TENM3: variants seen among roughly 807,000 people sequenced by gnomAD.
The protein encoded by TENM3 is teneurin transmembrane protein 3.
TENM3 carries 63 observed loss-of-function variants against 255.1 expected under a neutral mutation model. The ratio of observed to expected loss-of-function variants is 0.25; its 90% CI spans 0.20 to 0.30. The LOEUF is 0.30. Among genes scored for constraint, TENM3 ranks in the 10% least tolerant of loss-of-function variants. The pLI, the probability that TENM3 is intolerant of heterozygous loss-of-function variation, is 1.00. For missense variants in TENM3, 2,929 were observed against 3,461.1 expected, an observed-to-expected ratio of 0.85 and a Z score of 3.86; for synonymous variants, 1,306 against 1,322.3, an observed-to-expected ratio of 0.99 and a Z score of 0.27.
Position 182,621,828 on chromosome 4 carries a change from G to A in TENM3, c.750-6823G>A, listed in dbSNP as rs145990526. On this transcript the variant is annotated intron_variant, in intron 4 of 27. Coordinates refer to ENST00000511685, the MANE Select transcript of TENM3 (RefSeq NM_001080477.4). ...ATATATATTATATATATATATATTA[G>A]CCAGATGTGGTGGTGCACATGCTGT... Among the ~76,000 whole-genome samples the A allele has an allele frequency of 9.9e-3, 1,102 of 111,540 alleles. 35 individuals are homozygous for A. Among genetic ancestry groups the A allele is most frequent in the African/African-American group, 0.038 (1,035 of 27,594 alleles). 73.2% of individuals were successfully genotyped at this position (111,540 alleles called of 152,430 possible).
At chr4:182,353,455 G>C (rs1454653181) in intron 3 of TENM3, among the ~76,000 whole-genome samples, 1 of 152,136 alleles carries the variant, frequency 6.6e-6, no homozygotes, top group African/African-American at 2.4e-5. Flanking sequence ...TAATATGTCG[G>C]TGGGCTTCCT....
the TENM3 span, among the ~76,000 whole-genome samples, chr4:181,738,317 A>T: frequency 1.3e-5 from 2 of 152,276 alleles, no homozygotes; most frequent in South Asian, 4.1e-4. Flanking sequence ...GAAATATAAC[A>T]CCAATGAGAA....
intron 3 of TENM3, among the ~76,000 whole-genome samples, chr4:182,425,601 G>T (rs1036061999): frequency 2.0e-5 from 3 of 152,214 alleles, no homozygotes; most frequent in Admixed American, 2.0e-4. Context: ...GCCATGATCA[G>T]ATTGATCCCT....
chr4:182,519,566 G>A (rs1039199024), intron 3 of TENM3, among the ~76,000 whole-genome samples: 5 of 152,176 alleles, frequency 3.3e-5, no homozygotes, highest in South Asian at 2.1e-4. Context: ...TGCCTGAGAC[G>A]TTACATTTGT....
the TENM3 span, among the ~76,000 whole-genome samples, chr4:181,507,151 G>C: frequency 1.3e-5 from 2 of 152,064 alleles, no homozygotes; most frequent in Admixed American, 1.3e-4. Flanking sequence ...ATGTATACTT[G>C]CTCTCAACTC....
chr4:181,618,917 G>A, the TENM3 span, among the ~76,000 whole-genome samples: 1 of 152,208 alleles, frequency 6.6e-6, no homozygotes, highest in African/African-American at 2.4e-5. Context: ...ACTGCTTGCT[G>A]TGATGGGTGC....
intron 16 of TENM3, 131 bp from the exon 17 acceptor site, chr4:182,736,677 T>C: frequency 1.1e-6 from 1 of 883,752 alleles, no homozygotes; most frequent in Non-Finnish European, 1.7e-6. Flanking sequence ...GCACATTGTC[T>C]TTGTGAGTAA....
At chr4:182,109,728 C>G in the TENM3 span, among the ~76,000 whole-genome samples, 9 of 152,166 alleles carry the variant, frequency 5.9e-5, no homozygotes, top group African/African-American at 1.9e-4. Context: ...GACCTTGTAA[C>G]AGTAAGTACT....
chr4:181,449,313 A>C, the TENM3 span, among the ~76,000 whole-genome samples: 3,926 of 152,214 alleles, frequency 0.026, 176 homozygotes, highest in African/African-American at 0.09. Context: ...AGCCGACCTA[A>C]CTACACACTG....
chr4:181,551,866 GTGTGTGTGTGTGTGTGTGTGTGTA>G, the TENM3 span, among the ~76,000 whole-genome samples: 76 of 80,776 alleles, frequency 9.4e-4, no homozygotes, highest in Non-Finnish European at 1.2e-3. Flanking sequence ...GTGTGTGTGT[GTGTGTGTGTGTGTGTGTGTGTGTA>G]TATAAATTTT....
chr4:182,678,657 C>T lies in TENM3; in HGVS notation c.1327-1009C>T, dbSNP rs988897965. Among the ~76,000 whole-genome samples the T allele has an allele frequency of 5.9e-5, 9 of 152,154 alleles. No homozygotes were observed. In the South Asian group the frequency reaches 8.3e-4, roughly 14 times the overall value. ...CCTCCTCAAGATTCAGATTCCTTCACCTGTAAAGTGCAAATGTTAAAGCCT... is the reference window on the plus strand; with the variant it reads ...CCTCCTCAAGATTCAGATTCCTTCATCTGTAAAGTGCAAATGTTAAAGCCT... On this transcript the variant is annotated intron_variant, in intron 7 of 27. Coordinates refer to ENST00000511685, the MANE Select transcript of TENM3 (RefSeq NM_001080477.4).
intron 13 of TENM3, among the ~76,000 whole-genome samples, chr4:182,717,345 T>C (rs1038927773): frequency 3.9e-5 from 6 of 152,336 alleles, no homozygotes; most frequent in Non-Finnish European, 5.9e-5. Flanking sequence ...GGGCGACTTA[T>C]CTTCAGCCAC....
chr4:182,450,353 A>G (rs1773348084), intron 3 of TENM3, among the ~76,000 whole-genome samples: 1 of 152,194 alleles, frequency 6.6e-6, no homozygotes, highest in Admixed American at 6.5e-5. Context: ...TCTCAGCCGA[A>G]TATTTTAGTG....
chr4:182,743,653 A>G (rs1761773934), intron 19 of TENM3, among the ~76,000 whole-genome samples: 1 of 152,148 alleles, frequency 6.6e-6, no homozygotes, highest in African/African-American at 2.4e-5. Context: ...TATCTTACTG[A>G]TTTCAGTGAA....
chr4:182,093,349 A>G, the TENM3 span, among the ~76,000 whole-genome samples: 1 of 152,150 alleles, frequency 6.6e-6, no homozygotes, highest in East Asian at 1.9e-4. Context: ...ACAGTTTTTC[A>G]GTCTCTCTCA....
intron 4 of TENM3, among the ~76,000 whole-genome samples, chr4:182,628,448 T>C (rs1266215734): frequency 1.3e-5 from 2 of 152,176 alleles, no homozygotes; most frequent in African/African-American, 4.8e-5. Flanking sequence ...GAAATCAGTC[T>C]CTTTCATTAG....
intron 1 of TENM3, among the ~76,000 whole-genome samples, chr4:182,314,240 G>T (rs1488110479): frequency 6.6e-6 from 1 of 152,008 alleles, no homozygotes; most frequent in Non-Finnish European, 1.5e-5. Context: ...GGCGGAGCTT[G>T]CAGTGAGCCG....
intron 3 of TENM3, among the ~76,000 whole-genome samples, chr4:182,347,845 T>A (rs1280356894): frequency 1.3e-5 from 2 of 152,348 alleles, no homozygotes; most frequent in South Asian, 2.1e-4. Context: ...GCTATGCATA[T>A]CCTATGCATC....
the TENM3 span, among the ~76,000 whole-genome samples, chr4:181,552,808 C>T: frequency 6.6e-6 from 1 of 152,178 alleles, no homozygotes; most frequent in Non-Finnish European, 1.5e-5. Flanking sequence ...TCGGAGGTCC[C>T]GGAAGTCTTT....
Sources: allele counts gnomAD v4.1 joint callset (sites outside exome capture counted in the v4.1 genomes callset), GRCh38; gene constraint gnomAD v4.1.1; transcripts MANE v1.5; gene names NCBI Gene and HGNC (gene_info 2026-07-23, HGNC 2026-07-21).